Variants in WDR27 observed in about 807,000 individuals in gnomAD.
The protein encoded by WDR27 is WD repeat domain 27.
A neutral mutation model predicts 114.4 loss-of-function variants in WDR27; 100 were observed. That is an observed-to-expected ratio of 0.87 (90% CI 0.74 to 1.03). The LOEUF is 1.03. WDR27 is among the 50% of genes least tolerant of loss of function. The pLI, the probability that WDR27 is intolerant of heterozygous loss-of-function variation, is 0.00. For synonymous variants in WDR27, 449 were observed against 423.1 expected (o/e 1.06, Z -0.75); for missense variants, 1,129 against 1,092.9 (o/e 1.03, Z -0.47).
rs188147664 is a variant in WDR27, at chr6:169,591,894, G to T, written c.2425-8960C>A. Among the ~76,000 whole-genome samples the T allele has an allele frequency of 1.3e-4, 20 of 151,416 alleles. No homozygotes were observed. The East Asian group carries it at 2.5e-3, about 19-fold the overall frequency. On this transcript the variant is annotated intron_variant, in intron 23 of 25. Coordinates refer to ENST00000448612, the MANE Select transcript of WDR27 (RefSeq NM_182552.5). ...GCACAAGATGTCCCTGGCTCATCTT[G>T]TAAGTCTTCTGCCACAGACCTGGAA...
intron 25 of WDR27, among the ~76,000 whole-genome samples, chr6:169,525,055 T>C (rs1794790748): frequency 6.6e-6 from 1 of 151,982 alleles, no homozygotes; most frequent in South Asian, 2.1e-4. Flanking sequence ...AACCAGAATA[T>C]ATAAGCAGCT....
chr6:169,480,286 C>T lies in WDR27; in HGVS notation c.2646-22652G>A, dbSNP rs1027317880. Among the ~76,000 whole-genome samples, 7 of 152,260 alleles carry T rather than the reference C, an allele frequency of 4.6e-5. No homozygotes were observed. In the East Asian group the frequency reaches 1.4e-3, roughly 30 times the overall value. On this transcript the variant is annotated intron_variant, in intron 25 of 25. Coordinates refer to ENST00000448612, the MANE Select transcript of WDR27 (RefSeq NM_182552.5). ...AGCCGCCTCCCCGCGGGGCAGGGCT[C>T]GGGACCTGCAGCCTGACATGCCCGA...
chr6:169,444,554 C>T, the WDR27 span, among the ~76,000 whole-genome samples: 10 of 152,218 alleles, frequency 6.6e-5, no homozygotes, highest in Non-Finnish European at 1.5e-4. Context: ...CTGAGGCCAA[C>T]CACCGCTGCC....
intron 25 of WDR27, among the ~76,000 whole-genome samples, chr6:169,522,298 A>G (rs192036484): frequency 5.3e-5 from 8 of 152,076 alleles, no homozygotes; most frequent in Non-Finnish European, 1.0e-4. Flanking sequence ...ATATCTACGC[A>G]CCCAACACCA....
intron 25 of WDR27, among the ~76,000 whole-genome samples, chr6:169,566,706 G>A (rs931519690): frequency 2.0e-5 from 3 of 152,140 alleles, no homozygotes; most frequent in Admixed American, 6.5e-5. Flanking sequence ...TGGGTGTTGC[G>A]AGGCTGCCAC....
chr6:169,601,953 G>A (rs1344822805), intron 23 of WDR27, among the ~76,000 whole-genome samples: 1 of 152,220 alleles, frequency 6.6e-6, no homozygotes, highest in Non-Finnish European at 1.5e-5. Flanking sequence ...GTGTAGCACA[G>A]TGTCTTTCAA....
Position 169,659,869 on chromosome 6 carries a change from T to A in WDR27, c.1130-351A>T, listed in dbSNP as rs960736752. Among the ~76,000 whole-genome samples the A allele has an allele frequency of 6.6e-6, 1 of 151,536 alleles. No individual in the cohort carries two copies. Among genetic ancestry groups the A allele is most frequent in the Non-Finnish European group, 1.5e-5 (1 of 67,894 alleles). On this transcript the variant is annotated intron_variant, in intron 10 of 25. Transcript: ENST00000448612. This position sits in a 1 kb window ranked among gnomAD's most constrained non-coding sequence, Gnocchi z 4.3. ...AATGTGTAATTAGAGCTGTGACCATTTGGGGGAAGGAAAGGCTGAGTTTTC... is the reference window on the plus strand; with the variant it reads ...AATGTGTAATTAGAGCTGTGACCATATGGGGGAAGGAAAGGCTGAGTTTTC...
At chr6:169,650,485 G>A (rs563519488) in intron 14 of WDR27, among the ~76,000 whole-genome samples, 30 of 108,314 alleles carry the variant, frequency 2.8e-4, no homozygotes, top group Non-Finnish European at 4.0e-4. Context: ...TCATCCATCC[G>A]TCTCTCCATC....
chr6:169,617,913 A>C (rs1190215525), intron 21 of WDR27, among the ~76,000 whole-genome samples: 3 of 152,204 alleles, frequency 2.0e-5, no homozygotes, highest in Non-Finnish European at 4.4e-5. Flanking sequence ...TTAGAAAAGA[A>C]AATGATTTGG....
rs578017803 is a variant in WDR27, at chr6:169,605,428, A to G, written c.2322-3107T>C. On this transcript the variant is annotated intron_variant, in intron 22 of 25. Coordinates refer to ENST00000448612, the MANE Select transcript of WDR27 (RefSeq NM_182552.5). The stretch of plus-strand genomic sequence containing the variant: ...AGGAGGTAAAAGGTCTCAATACGGA[A>G]AACTATAAAACATCAATGAAAGAAA... 6.4e-4 allele frequency among the ~76,000 whole-genome samples: 98 copies of G among 152,094 alleles called. 3 individuals carry two copies. In the South Asian group the frequency reaches 0.02, roughly 31 times the overall value.
At chr6:169,701,394 G>GCCCT (rs1187336737) in intron 1 of WDR27, among the ~76,000 whole-genome samples, 157 bp downstream of exon 1, 1 of 152,184 alleles carries the variant, frequency 6.6e-6, no homozygotes, top group Non-Finnish European at 1.5e-5. Context: ...TAATTAACGA[G>GCCCT]CCCTCAGGGT....
intron 25 of WDR27, among the ~76,000 whole-genome samples, chr6:169,565,942 A>G (rs1800395999): frequency 6.6e-6 from 1 of 152,198 alleles, no homozygotes; most frequent in Admixed American, 6.5e-5. Flanking sequence ...CTGCACCTAT[A>G]GCCCCATTTT....
intron 25 of WDR27, among the ~76,000 whole-genome samples, chr6:169,468,918 G>C (rs1785962025): frequency 6.6e-6 from 1 of 152,066 alleles, no homozygotes; most frequent in Non-Finnish European, 1.5e-5. Flanking sequence ...TGTTCACATG[G>C]CCTTCCCTTG....
the WDR27 span, among the ~76,000 whole-genome samples, chr6:169,430,904 G>A: frequency 6.6e-6 from 1 of 152,206 alleles, no homozygotes; most frequent in African/African-American, 2.4e-5. Context: ...CTACTATGAA[G>A]AAATGGATGA....
chr6:169,629,800 G>A (rs1487087480), intron 21 of WDR27, among the ~76,000 whole-genome samples: 2 of 151,762 alleles, frequency 1.3e-5, no homozygotes, highest in Admixed American at 6.6e-5. Flanking sequence ...GGTGGCCCAC[G>A]ACTCTAATCC....
chr6:169,561,539 G>C (rs13192566), intron 25 of WDR27, among the ~76,000 whole-genome samples: 14,561 of 151,270 alleles, frequency 0.096, 989 homozygotes, highest in Middle Eastern at 0.16. Context: ...TTAAATTAAA[G>C]AAACCTCAAA....
At chr6:169,665,427 G>A in intron 7 of WDR27, 59 bp downstream of exon 7, 1 of 1,573,974 alleles carries the variant, frequency 6.4e-7, no homozygotes, top group Non-Finnish European at 8.6e-7. Flanking sequence ...AGACCTTTGT[G>A]TACAAGCTCA....
intron 2 of WDR27, among the ~76,000 whole-genome samples, chr6:169,675,763 T>C (rs1359025382): frequency 2.0e-5 from 3 of 151,078 alleles, no homozygotes; most frequent in Non-Finnish European, 4.4e-5. Context: ...CCATGTTTTA[T>C]TGTGCAGAGG....
At chr6:169,444,681 T>C in the WDR27 span, among the ~76,000 whole-genome samples, 1 of 151,824 alleles carries the variant, frequency 6.6e-6, no homozygotes, top group Non-Finnish European at 1.5e-5. Context: ...TTTTTTTTTT[T>C]TCGTCTTTTG....
Sources: allele counts gnomAD v4.1 joint callset (sites outside exome capture counted in the v4.1 genomes callset), GRCh38; gene constraint gnomAD v4.1.1; non-coding constraint Gnocchi (gnomAD v3.1); transcripts MANE v1.5; gene names NCBI Gene and HGNC (gene_info 2026-07-23, HGNC 2026-07-21).